Variants in MOB3B observed in about 807,000 individuals in gnomAD.
MOB3B encodes the protein MOB kinase activator-like 2B.
MOB3B carries 7 observed loss-of-function variants against 18.7 expected under a neutral mutation model. That is an observed-to-expected ratio of 0.37 (90% confidence interval 0.21 to 0.70). MOB3B has a LOEUF of 0.70. Ranked by LOEUF, MOB3B falls within the 30% of genes least tolerant of loss-of-function variation. The probability of loss-of-function intolerance (pLI) is 0.52; values close to 1 mark genes in which losing one functional copy is unlikely to be tolerated. For synonymous variants in MOB3B, 111 were observed against 99.9 expected (o/e 1.11, Z -0.66); for missense variants, 253 against 281.3 (o/e 0.90, Z 0.72).
intron 1 of MOB3B, among the ~76,000 whole-genome samples, chr9:27,527,416 C>G (rs1028982704): frequency 6.6e-6 from 1 of 152,084 alleles, no homozygotes; most frequent in African/African-American, 2.4e-5. Context: ...AGATATAATA[C>G]CCAGAAATCA....
chr9:27,345,029 CA>C (rs1165193465), intron 3 of MOB3B, among the ~76,000 whole-genome samples: 4 of 152,314 alleles, frequency 2.6e-5, no homozygotes, highest in African/African-American at 9.6e-5. Context: ...TCTTGGTGCC[CA>C]CAGCAATACA....
intron 2 of MOB3B, among the ~76,000 whole-genome samples, chr9:27,363,459 G>T (rs555867826): frequency 7.5e-4 from 114 of 151,982 alleles, no homozygotes; most frequent in Non-Finnish European, 1.4e-3. Context: ...TAGTAGAGAC[G>T]GGGTTTCACT....
rs745714885 is a variant in MOB3B at position 27,529,645 on chromosome 9, A to C, written c.-289T>G. On this transcript the variant is annotated 5_prime_UTR_variant, in exon 1 of 4. Coordinates refer to ENST00000262244, the MANE Select transcript of MOB3B (RefSeq NM_024761.5). ...CGAAAGAAAATGGTGAGCTCGGGGC[A>C]GGTGGGGCGTCGCTTGCCAATCCAC... 1.0e-6 allele frequency: 1 copy of C among 985,470 alleles called. No homozygotes were observed. The highest frequency in any genetic ancestry group is 1.2e-6 in the Non-Finnish European group (1 of 829,980). 61.0% of individuals were successfully genotyped at this position (985,470 alleles called of 1,614,324 possible).
intron 2 of MOB3B, among the ~76,000 whole-genome samples, chr9:27,423,124 G>A (rs1822281620): frequency 6.6e-6 from 1 of 152,140 alleles, no homozygotes; most frequent in African/African-American, 2.4e-5. Flanking sequence ...CATTTTTAGT[G>A]CCTATTATGT....
intron 1 of MOB3B, among the ~76,000 whole-genome samples, chr9:27,518,929 C>G (rs1310848055): frequency 2.0e-5 from 3 of 152,140 alleles, no homozygotes; most frequent in Non-Finnish European, 4.4e-5. Flanking sequence ...ACACATTTTT[C>G]TTCTGGAGGG....
chr9:27,402,658 A>T (rs1184342550), intron 2 of MOB3B, among the ~76,000 whole-genome samples: 1 of 152,244 alleles, frequency 6.6e-6, no homozygotes, highest in African/African-American at 2.4e-5. Flanking sequence ...GTTTTTGGTA[A>T]TTGCTATCAC....
chr9:27,433,091 T>C (rs1822440499), intron 2 of MOB3B, among the ~76,000 whole-genome samples: 1 of 152,142 alleles, frequency 6.6e-6, no homozygotes, highest in Non-Finnish European at 1.5e-5. Flanking sequence ...GATTTTCTTT[T>C]TGCAGCATGA....
At chr9:27,484,490 C>A (rs1006864148) in intron 1 of MOB3B, among the ~76,000 whole-genome samples, 2 of 152,156 alleles carry the variant, frequency 1.3e-5, no homozygotes, top group African/African-American at 4.8e-5. Flanking sequence ...AAGAAGAGAG[C>A]AAACTGAAGT....
chr9:27,487,157 T>TA (rs1233555035), intron 1 of MOB3B, among the ~76,000 whole-genome samples: 38 of 146,800 alleles, frequency 2.6e-4, no homozygotes, highest in African/African-American at 8.5e-4. Flanking sequence ...ATAAATAAAA[T>TA]AAATAAATAA....
chr9:27,385,035 T>C (rs1351044329), intron 2 of MOB3B, among the ~76,000 whole-genome samples: 1 of 152,172 alleles, frequency 6.6e-6, no homozygotes, highest in Non-Finnish European at 1.5e-5. Context: ...ATAGGCACCT[T>C]ATCCTAGAAA....
At chr9:27,426,727 T>C (rs1822339912) in intron 2 of MOB3B, among the ~76,000 whole-genome samples, 1 of 152,186 alleles carries the variant, frequency 6.6e-6, no homozygotes, top group African/African-American at 2.4e-5. Context: ...AATGAGATCC[T>C]CTAGGTTCCC....
intron 2 of MOB3B, among the ~76,000 whole-genome samples, chr9:27,403,501 T>A (rs890884206): frequency 6.7e-6 from 1 of 150,090 alleles, no homozygotes; most frequent in Non-Finnish European, 1.5e-5. Flanking sequence ...TAATGCTTGG[T>A]CTGGCTCTTT....
intron 1 of MOB3B, among the ~76,000 whole-genome samples, chr9:27,513,220 A>T (rs1820172502): frequency 1.3e-5 from 2 of 152,156 alleles, no homozygotes; most frequent in African/African-American, 2.4e-5. Flanking sequence ...AATATACCCT[A>T]AGTAACGTAC....
intron 1 of MOB3B, among the ~76,000 whole-genome samples, chr9:27,493,598 G>A (rs943713120): frequency 3.3e-5 from 5 of 151,970 alleles, no homozygotes; most frequent in Admixed American, 6.5e-5. Context: ...CTGAGATCCC[G>A]CCACTGCATT....
chr9:27,383,477 C>T (rs1213341090), intron 2 of MOB3B, among the ~76,000 whole-genome samples: 1 of 152,152 alleles, frequency 6.6e-6, no homozygotes, highest in Non-Finnish European at 1.5e-5. Context: ...TGATTCTAGA[C>T]AAATAACAGA....
chr9:27,507,731 T>C (rs546827612), intron 1 of MOB3B, among the ~76,000 whole-genome samples: 31 of 152,342 alleles, frequency 2.0e-4, no homozygotes, highest in African/African-American at 5.5e-4. Context: ...GAGTCAGTTA[T>C]ATCTCAACAT....
At chr9:27,500,240 G>C (rs1326471039) in intron 1 of MOB3B, among the ~76,000 whole-genome samples, 1 of 152,092 alleles carries the variant, frequency 6.6e-6, no homozygotes, top group Admixed American at 6.6e-5. Context: ...GGAGAACCCT[G>C]TGACTTATAG....
chr9:27,429,724 G>T (rs1822390367), intron 2 of MOB3B, among the ~76,000 whole-genome samples: 2 of 152,168 alleles, frequency 1.3e-5, no homozygotes, highest in African/African-American at 4.8e-5. Flanking sequence ...CAGCCCACCA[G>T]TGGTGCTGGT....
At chr9:27,410,662 G>A (rs1371572116) in intron 2 of MOB3B, among the ~76,000 whole-genome samples, 1 of 152,194 alleles carries the variant, frequency 6.6e-6, no homozygotes, top group African/African-American at 2.4e-5. Context: ...CTAATGAAAA[G>A]GGGCCTGCTT....
Sources: gnomAD v4.1 joint callset for allele counts (sites outside exome capture counted in the v4.1 genomes callset) on GRCh38, gnomAD v4.1.1 for gene constraint, MANE v1.5 for transcripts, NCBI Gene and HGNC (gene_info 2026-07-23, HGNC 2026-07-21) for gene names.